Variants in RGS8 observed in about 807,000 individuals in gnomAD.
The protein encoded by RGS8 is regulator of G protein signaling 8, also known as regulator of G-protein signaling 8.
RGS8 carries 8 observed loss-of-function variants against 21.7 expected under a neutral mutation model. The ratio of observed to expected loss-of-function variants is 0.37; its 90% CI spans 0.22 to 0.66. The LOEUF is 0.66. RGS8 is among the 30% of genes least tolerant of loss of function. RGS8 has a pLI of 0.59. For missense variants in RGS8, 157 were observed against 217.9 expected (o/e 0.72, Z 1.76); for synonymous variants, 80 against 83.6 (o/e 0.96, Z 0.24).
chr1:182,647,951 C>T (rs566559479), intron 6 of RGS8, among the ~76,000 whole-genome samples, 186 bp downstream of exon 7: 18 of 152,326 alleles, frequency 1.2e-4, no homozygotes, highest in African/African-American at 4.3e-4. Flanking sequence ...TAATGGAGCT[C>T]CTTTGATGGA....
the RGS8 span, among the ~76,000 whole-genome samples, chr1:182,692,502 T>C: frequency 6.6e-6 from 1 of 152,022 alleles, no homozygotes; most frequent in Non-Finnish European, 1.5e-5. Context: ...AAACATTCCA[T>C]GCTCATGGAT....
At chr1:182,682,225 T>C (rs549638768) in intron 1 of RGS8, among the ~76,000 whole-genome samples, 2 of 152,310 alleles carry the variant, frequency 1.3e-5, no homozygotes, top group Admixed American at 6.5e-5. Context: ...GTTTTGTTAC[T>C]TATAATCACA....
intron 4 of RGS8, among the ~76,000 whole-genome samples, chr1:182,666,278 G>C (rs1344680221): frequency 6.6e-6 from 1 of 152,136 alleles, no homozygotes; most frequent in Admixed American, 6.5e-5. Context: ...TTAGTCTAAA[G>C]AACAAAGCTA....
At chr1:182,734,961 A>G in the RGS8 span, among the ~76,000 whole-genome samples, 17,041 of 152,324 alleles carry the variant, frequency 0.11, 1,038 homozygotes, top group African/African-American at 0.16. Flanking sequence ...ATTTTAGCAC[A>G]ATATAACCAA....
the RGS8 span, among the ~76,000 whole-genome samples, chr1:182,740,005 G>T: frequency 6.6e-6 from 1 of 151,808 alleles, no homozygotes; most frequent in Non-Finnish European, 1.5e-5. Context: ...TCATCGCCTG[G>T]GTGAAACTAG....
intron 5 of RGS8, among the ~76,000 whole-genome samples, chr1:182,665,471 A>C (rs1446133253): frequency 6.6e-6 from 1 of 152,208 alleles, no homozygotes; most frequent in Non-Finnish European, 1.5e-5. Flanking sequence ...TGAGGGGTAA[A>C]ATGCAGCTGG....
the RGS8 span, among the ~76,000 whole-genome samples, chr1:182,732,219 G>GCTCTCTCTCTTTCTCT: frequency 1.3e-5 from 2 of 150,928 alleles, no homozygotes; most frequent in African/African-American, 4.9e-5. Flanking sequence ...CAGAACAAGC[G>GCTCTCTCTCTTTCTCT]CTCTCTCTCT....
intron 5 of RGS8, among the ~76,000 whole-genome samples, chr1:182,652,586 C>CTTCA (rs1490229898): frequency 1.3e-5 from 2 of 152,230 alleles, no homozygotes; most frequent in African/African-American, 4.8e-5. Context: ...ATAATGTCAT[C>CTTCA]TTCATTCATT....
intron 5 of RGS8, chr1:182,658,501 T>C (rs895927964): frequency 2.6e-5 from 4 of 152,208 alleles, no homozygotes; most frequent in African/African-American, 9.6e-5. Flanking sequence ...AGCTGGTGAA[T>C]GGGTTCCAAG....
At chr1:182,656,802 C>T (rs533516320) in intron 5 of RGS8, among the ~76,000 whole-genome samples, 1 of 152,316 alleles carries the variant, frequency 6.6e-6, no homozygotes, top group Admixed American at 6.5e-5. Context: ...CAACAGAGAA[C>T]AGATTGTGGC....
At chr1:182,676,506 A>G (rs1421902077), upstream of RGS8, among the ~76,000 whole-genome samples, 1 of 152,240 alleles carries the variant, frequency 6.6e-6, no homozygotes, top group African/African-American at 2.4e-5. Flanking sequence ...AACCGGAAGG[A>G]CACATGGAAG....
the RGS8 span, among the ~76,000 whole-genome samples, chr1:182,719,461 C>CTTT: frequency 1.3e-3 from 182 of 140,658 alleles, no homozygotes; most frequent in African/African-American, 3.5e-3. Context: ...TTTCTTTCTT[C>CTTT]TTTTTTTTTT....
chr1:182,706,890 A>AT, the RGS8 span, among the ~76,000 whole-genome samples: 1 of 151,986 alleles, frequency 6.6e-6, no homozygotes, highest in Non-Finnish European at 1.5e-5. Flanking sequence ...TTCATTTCAG[A>AT]TTTTTTTTCT....
At chr1:182,712,273 A>G in the RGS8 span, among the ~76,000 whole-genome samples, 1 of 152,230 alleles carries the variant, frequency 6.6e-6, no homozygotes, top group African/African-American at 2.4e-5. Context: ...TTTTTCCTGA[A>G]GTAAAGCTTC....
At chr1:182,746,035 T>C in the RGS8 span, among the ~76,000 whole-genome samples, 1 of 152,224 alleles carries the variant, frequency 6.6e-6, no homozygotes, top group East Asian at 1.9e-4. Flanking sequence ...AAGAAGAGGA[T>C]ACCTGTTTAT....
chr1:182,743,723 T>C, the RGS8 span, among the ~76,000 whole-genome samples: 1 of 152,348 alleles, frequency 6.6e-6, no homozygotes, highest in African/African-American at 2.4e-5. Context: ...ACACTTTTAC[T>C]CAAAAGTTAT....
At chr1:182,750,706 T>A in the RGS8 span, among the ~76,000 whole-genome samples, 2 of 152,234 alleles carry the variant, frequency 1.3e-5, no homozygotes, top group Non-Finnish European at 2.9e-5. Flanking sequence ...AATACCTTCA[T>A]GTTTATGAAG....
chr1:182,650,122 G>A (rs1473598234), intron 5 of RGS8, among the ~76,000 whole-genome samples: 3 of 150,176 alleles, frequency 2.0e-5, no homozygotes, highest in African/African-American at 5.1e-5. Flanking sequence ...ATGTTGGCCA[G>A]GATGGTCTTG....
the RGS8 span, among the ~76,000 whole-genome samples, chr1:182,713,358 A>G: frequency 4.0e-5 from 6 of 151,796 alleles, no homozygotes; most frequent in Non-Finnish European, 7.4e-5. Flanking sequence ...TAATCTTTGT[A>G]TTTTTAGTAG....
Sources: gnomAD v4.1 joint callset for allele counts (sites outside exome capture counted in the v4.1 genomes callset) on GRCh38, gnomAD v4.1.1 for gene constraint, MANE v1.5 for transcripts, NCBI Gene and HGNC (gene_info 2026-07-23, HGNC 2026-07-21) for gene names.